Variants in ADAM18 observed in about 807,000 individuals in gnomAD.
The protein encoded by ADAM18 is disintegrin and metalloproteinase domain-containing protein 18.
Under a neutral mutation model 94.4 loss-of-function variants are expected in ADAM18, and 117 were observed. The observed-to-expected ratio is 1.24, with a 90% CI of 1.07 to 1.45. The LOEUF (loss-of-function observed/expected upper bound fraction) is 1.45, where lower values mean the gene tolerates loss of function less well. ADAM18 is among the 40% of genes most tolerant of loss of function. The pLI is 0.00. For missense variants in ADAM18, 936 were observed against 880.0 expected, an observed-to-expected ratio of 1.06 and a Z score of -0.81; for synonymous variants, 327 against 291.6, an observed-to-expected ratio of 1.12 and a Z score of -1.24.
intron 1 of ADAM18, 134 bp from the exon 2 acceptor site, chr8:39,585,142 A>G (rs1818360664): frequency 1.6e-6 from 1 of 636,978 alleles, no homozygotes. Flanking sequence ...GACTAGAAAG[A>G]GTGTGAGCAC....
intron 14 of ADAM18, among the ~76,000 whole-genome samples, chr8:39,671,283 AAG>A (rs1222386317): frequency 1.3e-5 from 2 of 152,148 alleles, no homozygotes; most frequent in African/African-American, 4.8e-5. Flanking sequence ...GTATACTTGT[AAG>A]AGAGAATACA....
chr8:39,589,777 C>A (rs1172304674), intron 2 of ADAM18, among the ~76,000 whole-genome samples: 1 of 151,988 alleles, frequency 6.6e-6, no homozygotes, highest in Non-Finnish European at 1.5e-5. Flanking sequence ...ACTTTTTATT[C>A]ATTTTTCAAT....
chr8:39,605,544 T>C (rs4236751), intron 2 of ADAM18, among the ~76,000 whole-genome samples: 149,709 of 152,172 alleles, frequency 0.98, 73,805 homozygotes, highest in Middle Eastern at 1. Flanking sequence ...AATTTGTTAC[T>C]GGTTCGTTAT....
In ADAM18 at chr8:39,722,215, GTGTATATATATATATATATATATATA is replaced by G. The variant is rs1438693402; in HGVS notation, c.2018-1531_2018-1506del. ...CGTGTGTGTGTGTGTGTGTGTGTGTGTGTATATATATATATATATATATATATATATATATATATATATATATGCCG... is the reference window on the plus strand; with the variant it reads ...CGTGTGTGTGTGTGTGTGTGTGTGTGTATATATATATATATATATATGCCG... On this transcript the variant is annotated intron_variant, in intron 18 of 19. Coordinates refer to ENST00000265707, the MANE Select transcript of ADAM18 (RefSeq NM_014237.3). Among the ~76,000 whole-genome samples the G allele has an allele frequency of 3.5e-3, 235 of 67,988 alleles. 2 individuals are homozygous for G. The highest frequency in any genetic ancestry group is 8.5e-3 in the African/African-American group (94 of 11,062). 44.6% of individuals were successfully genotyped at this position (67,988 alleles called of 152,430 possible).
intron 19 of ADAM18, 51 bp downstream of exon 19, chr8:39,723,958 A>G: frequency 8.8e-7 from 1 of 1,137,754 alleles, no homozygotes; most frequent in Non-Finnish European, 1.2e-6. Flanking sequence ...CTAGTCATTA[A>G]CCAGTGTCAT....
At chr8:39,618,272 G>T (rs1317416341) in intron 6 of ADAM18, among the ~76,000 whole-genome samples, 2 of 152,098 alleles carry the variant, frequency 1.3e-5, no homozygotes, top group Admixed American at 1.3e-4. Flanking sequence ...CCGCCTTCTG[G>T]TCCTGTGGTG....
chr8:39,663,541 G>T (rs1820903370), intron 12 of ADAM18, among the ~76,000 whole-genome samples: 1 of 135,078 alleles, frequency 7.4e-6, no homozygotes, highest in African/African-American at 2.8e-5. Flanking sequence ...TGAGGCTGCA[G>T]TGTGTCATGA....
rs544757427 is a variant in ADAM18 at position 39,584,581 on chromosome 8, G to C, written c.-42G>C. 6 of 1,608,404 alleles carry C rather than the reference G, an allele frequency of 3.7e-6. No individual in the cohort carries two copies. Among genetic ancestry groups the C allele is most frequent in the Non-Finnish European group, 5.1e-6 (6 of 1,178,984 alleles). On this transcript the variant is annotated 5_prime_UTR_variant, in exon 1 of 20. Transcript: ENST00000265707. Reference sequence around the variant, plus strand: ...GCCCGCGAGCTCAACGCTGCTCAACGGTCTCTGTCCTTGGCTGTGGCTCCT... The same window carrying C: ...GCCCGCGAGCTCAACGCTGCTCAACCGTCTCTGTCCTTGGCTGTGGCTCCT...
chr8:39,663,683 T>C, intron 12 of ADAM18, 112 bp from the exon 13 acceptor site: 2 of 635,272 alleles, frequency 3.1e-6, no homozygotes, highest in Non-Finnish European at 5.4e-6. Context: ...TACAATTATA[T>C]TGTATAACTA....
At chr8:39,642,833 A>T (rs1166256564) in intron 10 of ADAM18, among the ~76,000 whole-genome samples, 1 of 152,158 alleles carries the variant, frequency 6.6e-6, no homozygotes, top group Non-Finnish European at 1.5e-5. Context: ...TGTAAATGGT[A>T]GTTTAATAGC....
chr8:39,696,396 A>T (rs1339068097), intron 17 of ADAM18, among the ~76,000 whole-genome samples: 1 of 151,068 alleles, frequency 6.6e-6, no homozygotes, highest in Non-Finnish European at 1.5e-5. Flanking sequence ...ATGTTTATTT[A>T]TTTTTTCTTT....
At chr8:39,711,082 C>T (rs1822382338) in intron 18 of ADAM18, among the ~76,000 whole-genome samples, 1 of 152,066 alleles carries the variant, frequency 6.6e-6, no homozygotes, top group Admixed American at 6.6e-5. Flanking sequence ...TGGCTATGTA[C>T]TTATTATTAG....
chr8:39,678,281 C>T (rs1172207490), intron 15 of ADAM18, among the ~76,000 whole-genome samples: 1 of 152,186 alleles, frequency 6.6e-6, no homozygotes, highest in Non-Finnish European at 1.5e-5. Flanking sequence ...GCACCACTAT[C>T]AGTATTGTTC....
intron 12 of ADAM18, among the ~76,000 whole-genome samples, chr8:39,654,115 A>G (rs7827712): frequency 0.4 from 59,081 of 149,000 alleles, 13,282 homozygotes; most frequent in Middle Eastern, 0.55. Context: ...AATGTCCTCC[A>G]GTTACATCCA....
chr8:39,637,602 G>C lies in ADAM18; in HGVS notation c.726G>C (p.Gln242His), dbSNP rs946698650. ...TGGAATTGTGGTCAAATGAAAACCA[G>C]ATTTCCACCAGTGGGGATGCTGATG... ...SSLELWSNEN[Q>H]ISTSGDADDI... is the part of the protein sequence containing the mutation. The change falls in exon 9 of 20, where the codon CAG becomes CAC. Residue 242 changes from glutamine to histidine, a missense_variant. Coordinates refer to ENST00000265707, the MANE Select transcript of ADAM18 (RefSeq NM_014237.3). 3.1e-6 allele frequency: 5 copies of C among 1,612,794 alleles called. No homozygotes were observed. The highest frequency in any genetic ancestry group is 4.5e-5 in the East Asian group (2 of 44,762).
intron 6 of ADAM18, among the ~76,000 whole-genome samples, chr8:39,611,859 T>A (rs1368650117): frequency 6.6e-6 from 1 of 152,190 alleles, no homozygotes; most frequent in Non-Finnish European, 1.5e-5. Context: ...GACTATATGA[T>A]GTTCTTTCTA....
Position 39,706,803 on chromosome 8 carries a change from T to C in ADAM18, c.1916T>C (p.Phe639Ser), listed in dbSNP as rs766911293. 6.9e-6 allele frequency: 11 copies of C among 1,598,824 alleles called. No homozygotes were observed. The highest frequency in any genetic ancestry group is 9.4e-6 in the Non-Finnish European group (11 of 1,167,824). The change falls in exon 18 of 20, where the codon TTT (phenylalanine) becomes TCT (serine). Residue 639 changes from phenylalanine (F) to serine (S), a missense_variant. Physicochemically the swap from Phe to Ser is radical, Grantham distance 155. Transcript: ENST00000265707. ...KCKGKGICNN[F>S]GNCQCFPGHR... is the part of the protein sequence containing the mutation. The stretch of plus-strand genomic sequence containing the variant: ...TTTCTGTTTCAGATATGTAATAATT[T>C]TGGTAATTGTCAATGCTTCCCTGGA...
rs576814059 is a variant in ADAM18, at chr8:39,726,100, G to A, written c.2177+2193G>A. On this transcript the variant is annotated intron_variant, in intron 19 of 19. Transcript: ENST00000265707. ...AAATGGAAAGTAATATCTCATAGTG[G>A]TCTTCATTTATGTTTTCCTGATTAT... Among the ~76,000 whole-genome samples the A allele has an allele frequency of 6.8e-4, 104 of 152,002 alleles. 2 individuals carry two copies. The South Asian group carries it at 0.021, about 30-fold the overall frequency.
chr8:39,658,955 A>G (rs1428223304), intron 12 of ADAM18, among the ~76,000 whole-genome samples: 1 of 152,194 alleles, frequency 6.6e-6, no homozygotes, highest in Non-Finnish European at 1.5e-5. Flanking sequence ...ACATTTTAAA[A>G]TAATATATTT....
Sources: allele counts gnomAD v4.1 joint callset (sites outside exome capture counted in the v4.1 genomes callset), GRCh38; gene constraint gnomAD v4.1.1; transcripts MANE v1.5; gene names NCBI Gene and HGNC (gene_info 2026-07-23, HGNC 2026-07-21).